VPS4B: variants seen among roughly 807,000 people sequenced by gnomAD.
The protein encoded by VPS4B is vacuolar protein sorting 4 homolog B.
In VPS4B, 23 loss-of-function variants were observed where a neutral mutation model predicts 56.1. The observed-to-expected ratio is 0.41, with a 90% CI of 0.30 to 0.58. The LOEUF (loss-of-function observed/expected upper bound fraction) is 0.58, where lower values mean the gene tolerates loss of function less well. VPS4B is among the 20% of genes least tolerant of loss of function. VPS4B has a pLI of 0.29. For missense variants in VPS4B, 372 were observed against 531.9 expected (o/e 0.70, Z 2.96); for synonymous variants, 177 against 186.0 (o/e 0.95, Z 0.39).
At chr18:63,393,164 T>A (rs757715827) in intron 10 of VPS4B, among the ~76,000 whole-genome samples, 1 of 152,194 alleles carries the variant, frequency 6.6e-6, no homozygotes, top group Non-Finnish European at 1.5e-5. Flanking sequence ...ACCTGTAAAG[T>A]CAGAATCTTG....
intron 1 of VPS4B, chr18:63,415,258 TTTA>T (rs2144437323): frequency 6.5e-6 from 1 of 153,006 alleles, no homozygotes; most frequent in South Asian, 2.1e-4. Flanking sequence ...AGCTAATTAT[TTTA>T]TTTTTTCATT....
intron 10 of VPS4B, among the ~76,000 whole-genome samples, chr18:63,392,743 T>G (rs1315832202): frequency 2.2e-5 from 3 of 138,574 alleles, no homozygotes; most frequent in Non-Finnish European, 4.7e-5. Context: ...CCACCGTACC[T>G]GGCCCTATTT....
chr18:63,397,144 C>T lies in VPS4B; in HGVS notation c.982G>A (p.Glu328Lys). 1 of 1,614,186 alleles carries T rather than the reference C, an allele frequency of 6.2e-7. No individual in the cohort carries two copies. The highest frequency in any genetic ancestry group is 8.5e-7 in the Non-Finnish European group (1 of 1,180,046). ...TAACCATCTGTTTTCCTCCCAAGTT[C>T]CCGAAAGTCTGCTTCCGTGAGACTG... is the stretch of plus-strand genomic sequence containing the variant. Reference protein sequence around the residue: ...QNSLTEADFRELGRKTDGYSG... With the variant: ...QNSLTEADFRKLGRKTDGYSG... Residue 328 changes from glutamate to lysine, a missense_variant, in exon 9 of 11, where the codon GAA becomes AAA. Physicochemically the swap from Glu to Lys is moderately conservative, Grantham distance 56 (BLOSUM62 1). This residue lies in a region of VPS4B where 153 missense variants were observed against 190.9 expected (regional missense o/e 0.80). Coordinates refer to ENST00000238497, the MANE Select transcript of VPS4B (RefSeq NM_004869.4).
chr18:63,395,157 C>T (rs888712140), intron 9 of VPS4B, among the ~76,000 whole-genome samples: 2 of 152,190 alleles, frequency 1.3e-5, no homozygotes, highest in African/African-American at 4.8e-5. Context: ...TAACAAGGAC[C>T]TGGCTTCAGC....
In VPS4B at chr18:63,397,101, C is replaced by T; in HGVS notation, c.1025G>A (p.Ser342Asn). Residue 342 changes from serine to asparagine, a missense_variant, in exon 9 of 11, where the codon AGT becomes AAT. Ser to Asn is a conservative substitution (Grantham distance 46). Around this residue, in one of 3 missense-constraint regions of VPS4B, gnomAD observed 153 missense variants for 190.9 expected, o/e 0.80. Coordinates refer to ENST00000238497, the MANE Select transcript of VPS4B (RefSeq NM_004869.4). ...CATAAGGGCATCACGTACAATGATA[C>T]TTATATCTGCCCCTGAATAACCATC... Reference protein sequence around the residue: ...KTDGYSGADISIIVRDALMQP... With the variant: ...KTDGYSGADINIIVRDALMQP... 6.2e-7 allele frequency: 1 copy of T among 1,614,078 alleles called. No homozygotes were observed.
chr18:63,419,393 G>T lies in VPS4B; in HGVS notation c.27+2840C>A, dbSNP rs143477947. ...GATCATGCCACTGCACTCCTGCCTG[G>T]GCAATAGAGTGAGACTCTGTCTCAA... On this transcript the variant is annotated intron_variant, in intron 1 of 10. Coordinates refer to ENST00000238497, the MANE Select transcript of VPS4B (RefSeq NM_004869.4). Among the ~76,000 whole-genome samples the T allele has an allele frequency of 2.4e-3, 369 of 152,002 alleles. 5 individuals are homozygous for T. Among genetic ancestry groups the T allele is most frequent in the African/African-American group, 8.5e-3 (354 of 41,422 alleles).
At chr18:63,409,847 C>T (rs1031703940) in intron 3 of VPS4B, among the ~76,000 whole-genome samples, 1 of 152,164 alleles carries the variant, frequency 6.6e-6, no homozygotes, top group African/African-American at 2.4e-5. Context: ...GTTTAACTCT[C>T]TGGTCACTCC....
intron 1 of VPS4B, among the ~76,000 whole-genome samples, chr18:63,416,958 T>C (rs756511343): frequency 2.3e-4 from 35 of 152,196 alleles, no homozygotes; most frequent in Non-Finnish European, 4.1e-4. Flanking sequence ...ATCACTGTCA[T>C]TGTATTTACC....
chr18:63,413,404 C>T lies in VPS4B; in HGVS notation c.28-1826G>A, dbSNP rs149777365. Among the ~76,000 whole-genome samples the T allele has an allele frequency of 1.8e-4, 27 of 151,998 alleles. No homozygotes were observed. The East Asian group carries it at 3.9e-3, about 22-fold the overall frequency. On this transcript the variant is annotated intron_variant, in intron 1 of 10. Transcript: ENST00000238497. ...AACACAAAAAATTGACCAGGCGTAG[C>T]GGCATGCGCCTATAGTCCCAGCTAC...
At position 63,411,591 on chromosome 18, in the gene VPS4B, G is replaced by A. The variant is rs762000759; in HGVS notation, c.28-13C>T. 1.3e-6 allele frequency: 2 copies of A among 1,525,128 alleles called. No individual in the cohort carries two copies. Among genetic ancestry groups the A allele is most frequent in the South Asian group, 1.3e-5 (1 of 76,982 alleles). The allele number at this position is 1,525,128 out of a possible 1,614,324, so 94.5% of individuals were successfully genotyped here. A position where few individuals can be genotyped will look rare whatever the true frequency, so the allele number is the denominator to read the frequency against. ...GATCTATCGCTTTCTGTTTGAGGGA[G>A]GCAAAATAACAACATTTAAATCAAA... On this transcript the variant is annotated splice_polypyrimidine_tract_variant and intron_variant, in intron 1 of 10. Transcript: ENST00000238497.
Position 63,410,430 on chromosome 18 carries a change from A to G in VPS4B, c.156T>C (p.Asp52=), listed in dbSNP as rs1206238539. 10 of 1,613,128 alleles carry G rather than the reference A, an allele frequency of 6.2e-6. No homozygotes were observed. Among genetic ancestry groups the G allele is most frequent in the Non-Finnish European group, 8.5e-6 (10 of 1,179,978 alleles). ...TTGCCCTGATACTTTGCTTGGCTTTATCACCCTGTGCTTCATCTATTAAAG... is the reference window on the plus strand; with the variant it reads ...TTGCCCTGATACTTTGCTTGGCTTTGTCACCCTGTGCTTCATCTATTAAAG... ...LHVVKYEAQG[D]KAKQSIRAKC... The change falls in exon 3 of 11, where the codon GAT becomes GAC. Residue 52 remains aspartate (D), a synonymous_variant. Coordinates refer to ENST00000238497, the MANE Select transcript of VPS4B (RefSeq NM_004869.4).
chr18:63,407,134 G>C (rs867915545), intron 4 of VPS4B, among the ~76,000 whole-genome samples: 1 of 152,188 alleles, frequency 6.6e-6, no homozygotes, highest in Admixed American at 6.5e-5. Context: ...AATAGTATAA[G>C]TGTTACCTTC....
rs1176850768 is a variant in VPS4B at position 63,411,458 on chromosome 18, T to C, written c.139+9A>G. ...GTGTTTTTAAATAAAATATAACCTA[T>C]GGCCTCACATTTAACGACATGAAGA... On this transcript the variant is annotated intron_variant, in intron 2 of 10. Transcript: ENST00000238497. 1 of 1,508,880 alleles carries C rather than the reference T, an allele frequency of 6.6e-7. No homozygotes were observed. The allele number at this position is 1,508,880 out of a possible 1,614,324, so 93.5% of individuals were successfully genotyped here. A position where few individuals can be genotyped will look rare whatever the true frequency, so the allele number is the denominator to read the frequency against.
At chr18:63,414,805 C>A (rs1916126808) in intron 1 of VPS4B, among the ~76,000 whole-genome samples, 1 of 152,234 alleles carries the variant, frequency 6.6e-6, no homozygotes, top group Non-Finnish European at 1.5e-5. Context: ...GTGCCACTCA[C>A]CTCTTCAGCC....
At position 63,400,141 on chromosome 18, in the gene VPS4B, T is replaced by C. The variant is rs780823682; in HGVS notation, c.697A>G (p.Ile233Val). The C allele has an allele frequency of 1.2e-5, 20 of 1,613,668 alleles. No homozygotes were observed. The highest frequency in any genetic ancestry group is 5.5e-5 in the South Asian group (5 of 91,042). The stretch of plus-strand genomic sequence containing the variant: ...CCACAGAGAGAATCAATTTCATCAA[T>C]GAAGATAATGGAGGGCTTGTTCTCT... ...ARENKPSIIF[I>V]DEIDSLCGSR... The change falls in exon 7 of 11, where the codon ATT becomes GTT. Residue 233 changes from isoleucine (I) to valine (V), a missense_variant. Physicochemically the swap from Ile to Val is conservative, Grantham distance 29 (BLOSUM62 3). This residue lies in a region of VPS4B where 66 missense variants were observed against 150.7 expected (regional missense o/e 0.44). Coordinates refer to ENST00000238497, the MANE Select transcript of VPS4B (RefSeq NM_004869.4).
At chr18:63,409,320 G>A (rs1915983300) in intron 3 of VPS4B, among the ~76,000 whole-genome samples, 1 of 152,194 alleles carries the variant, frequency 6.6e-6, no homozygotes, top group Non-Finnish European at 1.5e-5. Context: ...TGTGGTAGCA[G>A]CCACGAAGCC....
intron 1 of VPS4B, chr18:63,415,470 T>C: frequency 3.3e-6 from 1 of 304,556 alleles, no homozygotes; most frequent in Non-Finnish European, 6.8e-6. Context: ...CTTCAGCCCC[T>C]GATGCTCCTG....
Position 63,403,740 on chromosome 18 carries a change from T to C in VPS4B, c.451A>G (p.Ile151Val). The change falls in exon 5 of 11, where the codon ATA (isoleucine) becomes GTA (valine). Residue 151 changes from isoleucine to valine, a missense_variant. Physicochemically the swap from Ile to Val is conservative, Grantham distance 29. This residue lies in a region of VPS4B where 153 missense variants were observed against 190.3 expected (regional missense o/e 0.80). Coordinates refer to ENST00000238497, the MANE Select transcript of VPS4B (RefSeq NM_004869.4). ...AGATGAGGAAATTTAATAGGCAGTATCACAGCCTCTTTCAGTGCTTCTTTG... is the reference window on the plus strand; with the variant it reads ...AGATGAGGAAATTTAATAGGCAGTACCACAGCCTCTTTCAGTGCTTCTTTG... ...GAKEALKEAV[I>V]LPIKFPHLFT... 1 of 1,612,994 alleles carries C rather than the reference T, an allele frequency of 6.2e-7. No homozygotes were observed. The highest frequency in any genetic ancestry group is 1.3e-5 in the African/African-American group (1 of 75,030).
In VPS4B at chr18:63,397,020, T is replaced by C. The variant is rs770181937; in HGVS notation, c.1092+14A>G. The C allele has an allele frequency of 3.1e-6, 5 of 1,595,138 alleles. No individual in the cohort carries two copies. Among genetic ancestry groups the C allele is most frequent in the African/African-American group, 1.3e-5 (1 of 74,292 alleles). ...AAAAAAAAAGATAGGAAAGGATAGA[T>C]AAAAATGACTTACCTTTTTAAAATG... On this transcript the variant is annotated intron_variant, in intron 9 of 10. Transcript: ENST00000238497.
Sources: gnomAD v4.1 joint callset for allele counts (sites outside exome capture counted in the v4.1 genomes callset) on GRCh38, gnomAD v4.1.1 for gene constraint, gnomAD v4.1.1 regional missense constraint, MANE v1.5 for transcripts, NCBI Gene and HGNC (gene_info 2026-07-23, HGNC 2026-07-21) for gene names.